The following GPC3 variants were observed in gnomAD, a reference collection of about 807,000 sequenced individuals.
GPC3 encodes the protein glypican 3, also known as glypican-3.
In GPC3, 3 loss-of-function variants were observed where a neutral mutation model predicts 34.4. The ratio of observed to expected loss-of-function variants is 0.09; its 90% CI spans 0.04 to 0.23. GPC3 has a LOEUF of 0.23. GPC3 is among the 10% of genes least tolerant of loss of function. GPC3 has a pLI of 1.00. For missense variants in GPC3, 351 were observed against 445.6 expected (o/e 0.79, Z 1.91); for synonymous variants, 177 against 174.0 (o/e 1.02, Z -0.13).
At chrX:133,644,552 T>A (rs2070521588) in intron 6 of GPC3, among the ~76,000 whole-genome samples, 1 of 111,782 alleles carries the variant, frequency 8.9e-6, no homozygotes. Flanking sequence ...AAAATAATTT[T>A]AAAAAGCATT....
intron 7 of GPC3, among the ~76,000 whole-genome samples, chrX:133,542,042 G>A (rs2069346513): frequency 8.9e-6 from 1 of 111,934 alleles, no homozygotes; most frequent in African/African-American, 3.2e-5. Context: ...GCTGTAATCA[G>A]TCTTCCACTT....
intron 2 of GPC3, among the ~76,000 whole-genome samples, chrX:133,809,231 G>A (rs2075651934): frequency 1.8e-5 from 2 of 112,252 alleles, no homozygotes; most frequent in African/African-American, 6.5e-5. Flanking sequence ...AATTTTGTAT[G>A]CCTCCTTTCT....
intron 3 of GPC3, among the ~76,000 whole-genome samples, chrX:133,727,371 C>T (rs1321560182): frequency 2.7e-5 from 3 of 110,585 alleles, no homozygotes; most frequent in South Asian, 7.8e-4. Flanking sequence ...CATGGTGAAA[C>T]CCCGTCTCTA....
chrX:133,889,831 CTTTTTTTTTTTT>C (rs781203121), intron 2 of GPC3, among the ~76,000 whole-genome samples: 1 of 75,805 alleles, frequency 1.3e-5, no homozygotes, highest in Non-Finnish European at 2.5e-5. Context: ...TTCTAGCCTT[CTTTTTTTTTTTT>C]TTTTTTTTTT....
rs1438297869 is a variant in GPC3, at chrX:133,897,063, C to T, written c.337+55987G>A. On this transcript the variant is annotated intron_variant, in intron 2 of 7. Transcript: ENST00000370818. ...CTGGGACTACAGGCGCCCACAACCA[C>T]GCCCAGCTAATTTTTTGTATTTTTA... is the stretch of plus-strand genomic sequence containing the variant. Among the ~76,000 whole-genome samples, 5 of 109,241 alleles carry T rather than the reference C, an allele frequency of 4.6e-5. 1 individual carries two copies. The highest frequency in any genetic ancestry group is 1.7e-4 in the African/African-American group (5 of 29,948). The allele number at this position is 109,241 out of a possible 115,157, so 94.9% of individuals were successfully genotyped here.
intron 2 of GPC3, among the ~76,000 whole-genome samples, chrX:133,824,838 A>G (rs1473053463): frequency 8.9e-6 from 1 of 112,302 alleles, no homozygotes; most frequent in Non-Finnish European, 1.9e-5. Flanking sequence ...CTGGCAAAAA[A>G]ATTGCGAGAA....
At chrX:133,694,813 T>G (rs2071099149) in intron 4 of GPC3, among the ~76,000 whole-genome samples, 1 of 109,363 alleles carries the variant, frequency 9.1e-6, no homozygotes, top group African/African-American at 3.3e-5. Context: ...CCCTTGCAGT[T>G]TTCTTGGTGG....
chrX:133,550,441 T>C (rs1487068886), intron 7 of GPC3, among the ~76,000 whole-genome samples: 3 of 111,672 alleles, frequency 2.7e-5, no homozygotes, highest in South Asian at 3.8e-4. Context: ...TCTATTACAG[T>C]ACTAATTTCC....
chrX:133,688,480 A>G (rs2071030592), intron 5 of GPC3, among the ~76,000 whole-genome samples: 1 of 111,948 alleles, frequency 8.9e-6, no homozygotes, highest in Non-Finnish European at 1.9e-5. Flanking sequence ...ATATGACCTT[A>G]TTCAGAGAGA....
chrX:133,612,527 G>A (rs1176056054), intron 6 of GPC3, among the ~76,000 whole-genome samples: 1 of 111,906 alleles, frequency 8.9e-6, no homozygotes, highest in Non-Finnish European at 1.9e-5. Context: ...GGACAAGGTT[G>A]GTCTTCTCTA....
chrX:133,728,637 A>G lies in GPC3; in HGVS notation c.1032+24845T>C, dbSNP rs142786971. ...CATTTGGCTTAGTATCTCCTTTAGC[A>G]ATGTCCTCTACAAAGACTGGCTATG... On this transcript the variant is annotated intron_variant, in intron 3 of 7. Coordinates refer to ENST00000370818, the MANE Select transcript of GPC3 (RefSeq NM_004484.4). Among the ~76,000 whole-genome samples, 20 of 112,704 alleles carry G rather than the reference A, an allele frequency of 1.8e-4. No individual in the cohort carries two copies. The East Asian group carries it at 5.1e-3, about 28-fold the overall frequency.
intron 2 of GPC3, among the ~76,000 whole-genome samples, chrX:133,941,407 G>T (rs1480429470): frequency 8.9e-6 from 1 of 112,722 alleles, no homozygotes; most frequent in Non-Finnish European, 1.9e-5. Context: ...TTCAGATCCA[G>T]AGGAAGAAAG....
At chrX:133,734,941 A>G (rs929492197) in intron 3 of GPC3, among the ~76,000 whole-genome samples, 3 of 112,355 alleles carry the variant, frequency 2.7e-5, no homozygotes, top group Middle Eastern at 4.6e-3. Flanking sequence ...AGGCTTTTAT[A>G]CTGAAAACTA....
chrX:133,770,638 C>G (rs1397025821), intron 2 of GPC3, among the ~76,000 whole-genome samples: 2 of 111,849 alleles, frequency 1.8e-5, no homozygotes, highest in Non-Finnish European at 3.8e-5. Context: ...CAGTGACTTG[C>G]AGGATCAGAG....
At chrX:133,740,861 T>G (rs2071558086) in intron 3 of GPC3, among the ~76,000 whole-genome samples, 1 of 109,526 alleles carries the variant, frequency 9.1e-6, no homozygotes, top group Admixed American at 9.6e-5. Flanking sequence ...AATGTGTGGG[T>G]TTTTTGTTTG....
At chrX:133,872,595 G>A (rs537786029) in intron 2 of GPC3, among the ~76,000 whole-genome samples, 14 of 111,831 alleles carry the variant, frequency 1.3e-4, no homozygotes, top group Non-Finnish European at 2.6e-4. Context: ...AGAGGGATGG[G>A]GATGGAGGGA....
chrX:133,761,113 T>C (rs1177597286), intron 2 of GPC3, among the ~76,000 whole-genome samples: 2 of 111,474 alleles, frequency 1.8e-5, no homozygotes, highest in African/African-American at 6.5e-5. Context: ...AGTTTTCACA[T>C]ACAATAGATG....
At chrX:133,690,052 A>G (rs1603225929) in intron 5 of GPC3, among the ~76,000 whole-genome samples, 1 of 112,025 alleles carries the variant, frequency 8.9e-6, no homozygotes, top group South Asian at 3.7e-4. Flanking sequence ...ATGAGCTTTT[A>G]GGATGACAAA....
chrX:133,630,758 T>C (rs1351871673), intron 6 of GPC3, among the ~76,000 whole-genome samples: 4 of 112,019 alleles, frequency 3.6e-5, no homozygotes, highest in African/African-American at 1.3e-4. Context: ...ACATTCTATC[T>C]CTAGAGACAC....
Sources: gnomAD v4.1 joint callset for allele counts (sites outside exome capture counted in the v4.1 genomes callset) on GRCh38, gnomAD v4.1.1 for gene constraint, MANE v1.5 for transcripts, NCBI Gene and HGNC (gene_info 2026-07-23, HGNC 2026-07-21) for gene names.